FAM163A: variants seen among roughly 807,000 people sequenced by gnomAD.
FAM163A encodes the protein family with sequence similarity 163 member A.
FAM163A carries 7 observed loss-of-function variants against 12.0 expected under a neutral mutation model. The ratio of observed to expected loss-of-function variants is 0.58; its 90% CI spans 0.33 to 1.10. The LOEUF (loss-of-function observed/expected upper bound fraction) is 1.10, where lower values mean the gene tolerates loss of function less well. Ranked by LOEUF, FAM163A falls within the 50% of genes least tolerant of loss-of-function variation. The pLI is 0.03. For synonymous variants in FAM163A, 101 were observed against 91.0 expected (o/e 1.11, Z -0.62); for missense variants, 202 against 218.6 (o/e 0.92, Z 0.48).
At chr1:179,728,156 A>T in the FAM163A span, among the ~76,000 whole-genome samples, 1 of 152,088 alleles carries the variant, frequency 6.6e-6, no homozygotes, top group Non-Finnish European at 1.5e-5. Flanking sequence ...CCCTATTCTT[A>T]ATATTATGTT....
At chr1:179,812,980 C>G in intron 3 of FAM163A, 96 bp from the exon 4 acceptor site, 1 of 1,198,022 alleles carries the variant, frequency 8.3e-7, no homozygotes, top group Non-Finnish European at 1.2e-6. Context: ...CTCAGGCCCC[C>G]TGCCCCAGCC....
intron 1 of FAM163A, among the ~76,000 whole-genome samples, chr1:179,743,791 C>T (rs1684012270): frequency 6.6e-6 from 1 of 152,136 alleles, no homozygotes; most frequent in Non-Finnish European, 1.5e-5. Context: ...CCGGGCCGTG[C>T]CGAAGGCGCT....
intron 1 of FAM163A, among the ~76,000 whole-genome samples, chr1:179,766,781 G>A (rs56987384): frequency 1.3e-5 from 2 of 150,608 alleles, no homozygotes; most frequent in African/African-American, 2.4e-5. Context: ...TGGAGACGTA[G>A]TTTTACTCTT....
chr1:179,779,332 G>T (rs1474803358), intron 1 of FAM163A, among the ~76,000 whole-genome samples: 1 of 152,144 alleles, frequency 6.6e-6, no homozygotes, highest in East Asian at 1.9e-4. Context: ...AGGGCTCAGG[G>T]GGATATGAAT....
the FAM163A span, among the ~76,000 whole-genome samples, chr1:179,734,026 C>T: frequency 6.6e-6 from 1 of 152,000 alleles, no homozygotes; most frequent in Non-Finnish European, 1.5e-5. Context: ...ACAACACACC[C>T]CAATAGTGTC....
chr1:179,739,759 G>A (rs1016621808), upstream of FAM163A, among the ~76,000 whole-genome samples: 2 of 152,132 alleles, frequency 1.3e-5, no homozygotes, highest in Non-Finnish European at 2.9e-5. Flanking sequence ...ACCAAAGATT[G>A]CATATAGGTG....
rs940388718 is a variant in FAM163A, at chr1:179,802,227, A to G, written c.-135-5571A>G. On this transcript the variant is annotated intron_variant, in intron 1 of 4. Transcript: ENST00000341785. ...CCATAGGCAGCCATAATGTGTATTC[A>G]TTTTTTGGTATGTGTTCTTGAACAT... Among the ~76,000 whole-genome samples, 102 of 152,070 alleles carry G rather than the reference A, an allele frequency of 6.7e-4. 3 individuals carry two copies. Among genetic ancestry groups the G allele is most frequent in the Non-Finnish European group, 1.5e-4 (10 of 67,994 alleles).
chr1:179,804,349 A>G (rs1042184947), intron 1 of FAM163A, among the ~76,000 whole-genome samples: 2 of 152,194 alleles, frequency 1.3e-5, no homozygotes, highest in Non-Finnish European at 2.9e-5. Context: ...AAGGAGAGAC[A>G]ATATCAAATG....
Position 179,814,077 on chromosome 1 carries a change from A to AG in FAM163A, c.398dup (p.Pro134ThrfsTer22), listed in dbSNP as rs1455494624. The AG allele has an allele frequency of 4.3e-6, 7 of 1,614,134 alleles. No homozygotes were observed. Among genetic ancestry groups the AG allele is most frequent in the Non-Finnish European group, 5.1e-6 (6 of 1,180,010 alleles). ...TCCTTTGCTCCCACATACTACAAAG[A>AG]GGGGGGACCCCCATCCCTCAAATTG... On this transcript the variant is annotated frameshift_variant, in exon 5 of 5. Transcript: ENST00000341785. LOFTEE classifies it high-confidence loss of function.
the FAM163A span, among the ~76,000 whole-genome samples, chr1:179,737,528 C>T: frequency 6.6e-6 from 1 of 152,080 alleles, no homozygotes; most frequent in Non-Finnish European, 1.5e-5. Flanking sequence ...CAACAACGAA[C>T]GCCCCATCAA....
chr1:179,760,342 A>G (rs558133275), intron 1 of FAM163A, among the ~76,000 whole-genome samples: 3 of 152,300 alleles, frequency 2.0e-5, no homozygotes, highest in South Asian at 2.1e-4. Flanking sequence ...CCCAAAATCT[A>G]TCAATATTAG....
At chr1:179,799,815 G>A (rs1692905069) in intron 1 of FAM163A, among the ~76,000 whole-genome samples, 1 of 152,196 alleles carries the variant, frequency 6.6e-6, no homozygotes, top group African/African-American at 2.4e-5. Context: ...AGCATTGTCT[G>A]TATAAAATTG....
At chr1:179,776,569 G>A (rs1689013147) in intron 1 of FAM163A, among the ~76,000 whole-genome samples, 1 of 151,806 alleles carries the variant, frequency 6.6e-6, no homozygotes, top group Non-Finnish European at 1.5e-5. Context: ...TATCCCCTCA[G>A]CCCTGCCTGA....
At position 179,782,356 on chromosome 1, in the gene FAM163A, G is replaced by C. The variant is rs547658142; in HGVS notation, c.-135-25442G>C. Reference sequence around the variant, plus strand: ...ACACTAATGTAAGGCTGTGGGGGCAGAGATGGGGAAGGGGAGAAGGGGACC... The same window carrying C: ...ACACTAATGTAAGGCTGTGGGGGCACAGATGGGGAAGGGGAGAAGGGGACC... On this transcript the variant is annotated intron_variant, in intron 1 of 4. Coordinates refer to ENST00000341785, the MANE Select transcript of FAM163A (RefSeq NM_173509.3). 3.3e-5 allele frequency among the ~76,000 whole-genome samples: 5 copies of C among 152,246 alleles called. No individual in the cohort carries two copies. In the East Asian group the frequency reaches 9.7e-4, roughly 29 times the overall value.
At chr1:179,787,876 C>T (rs959977631) in intron 1 of FAM163A, among the ~76,000 whole-genome samples, 5 of 152,158 alleles carry the variant, frequency 3.3e-5, no homozygotes, top group African/African-American at 1.2e-4. Context: ...GCACATTTAA[C>T]CCCCCAGCCT....
rs542957474 is a variant in FAM163A at position 179,767,545 on chromosome 1, G to T, written c.-136+24122G>T. Among the ~76,000 whole-genome samples the T allele has an allele frequency of 3.3e-5, 5 of 152,240 alleles. No homozygotes were observed. In the South Asian group the frequency reaches 6.2e-4, roughly 19 times the overall value. On this transcript the variant is annotated intron_variant, in intron 1 of 4. Coordinates refer to ENST00000341785, the MANE Select transcript of FAM163A (RefSeq NM_173509.3). The stretch of plus-strand genomic sequence containing the variant: ...AGCCTTCTCCTTTTTTCCCTGGAAT[G>T]TTCCCTGAGGACAACTCAGCCCTTG...
At chr1:179,784,444 A>G (rs1690312339) in intron 1 of FAM163A, among the ~76,000 whole-genome samples, 1 of 152,212 alleles carries the variant, frequency 6.6e-6, no homozygotes, top group African/African-American at 2.4e-5. Context: ...GAAAATAAAG[A>G]CAATTCTGCA....
chr1:179,767,853 T>TA (rs1243456556), intron 1 of FAM163A, among the ~76,000 whole-genome samples: 1 of 152,134 alleles, frequency 6.6e-6, no homozygotes, highest in East Asian at 1.9e-4. Flanking sequence ...TTATTGTGGT[T>TA]AAAAAAAGCA....
rs531497680 is a variant in FAM163A at position 179,805,844 on chromosome 1, TC to T, written c.-135-1951del. 2.6e-5 allele frequency among the ~76,000 whole-genome samples: 4 copies of T among 152,330 alleles called. No homozygotes were observed. In the South Asian group the frequency reaches 8.3e-4, roughly 32 times the overall value. On this transcript the variant is annotated intron_variant, in intron 1 of 4. Coordinates refer to ENST00000341785, the MANE Select transcript of FAM163A (RefSeq NM_173509.3). ...ATGTTTTTGTGGGCTCTCCTGGGGT[TC>T]CCTGCTGGGCTGGACCCCTCTCTTC...
Sources: gnomAD v4.1 joint callset for allele counts (sites outside exome capture counted in the v4.1 genomes callset) on GRCh38, gnomAD v4.1.1 for gene constraint, MANE v1.5 for transcripts, NCBI Gene and HGNC (gene_info 2026-07-23, HGNC 2026-07-21) for gene names.